ARHGAP10: variants seen among roughly 807,000 people sequenced by gnomAD.
The protein encoded by ARHGAP10 is rho GTPase-activating protein 10.
ARHGAP10 carries 87 observed loss-of-function variants against 108.6 expected under a neutral mutation model. The observed-to-expected ratio is 0.80, with a 90% CI of 0.67 to 0.96. ARHGAP10 has a LOEUF of 0.96. Ranked by LOEUF, ARHGAP10 falls within the 40% of genes least tolerant of loss-of-function variation. The pLI is 0.00. For missense variants in ARHGAP10, 939 were observed against 954.5 expected, an observed-to-expected ratio of 0.98 and a Z score of 0.21; for synonymous variants, 347 against 341.1, an observed-to-expected ratio of 1.02 and a Z score of -0.19.
rs113066898 is a variant in ARHGAP10, at chr4:147,959,981, G to A, written c.1450+4607G>A. Among the ~76,000 whole-genome samples the A allele has an allele frequency of 3.1e-3, 473 of 152,168 alleles. 4 individuals carry two copies. The highest frequency in any genetic ancestry group is 0.01 in the African/African-American group (420 of 41,522). On this transcript the variant is annotated intron_variant, in intron 16 of 22. Transcript: ENST00000336498. ...GTTTTCCAGACTTTTTAATTTTTGC[G>A]ATATAAAATTCTTATCCTCAGTAGT... is the stretch of plus-strand genomic sequence containing the variant.
At chr4:147,883,659 T>G (rs1165789890) in intron 10 of ARHGAP10, among the ~76,000 whole-genome samples, 2 of 152,160 alleles carry the variant, frequency 1.3e-5, no homozygotes, top group African/African-American at 4.8e-5. Flanking sequence ...AGCCCCTGCA[T>G]TCTCCTCCTA....
At chr4:147,821,463 T>C (rs912974894) in intron 1 of ARHGAP10, among the ~76,000 whole-genome samples, 2 of 152,166 alleles carry the variant, frequency 1.3e-5, no homozygotes, top group Admixed American at 1.3e-4. Flanking sequence ...GATCCAAAAG[T>C]TTTACAGTTT....
chr4:147,948,702 A>G (rs1738479600), intron 15 of ARHGAP10, among the ~76,000 whole-genome samples: 1 of 152,022 alleles, frequency 6.6e-6, no homozygotes, highest in African/African-American at 2.4e-5. Context: ...CACGCCTGTA[A>G]TCTCAGCACT....
chr4:147,920,553 C>G (rs1208675269), intron 13 of ARHGAP10, among the ~76,000 whole-genome samples: 1 of 152,152 alleles, frequency 6.6e-6, no homozygotes, highest in Non-Finnish European at 1.5e-5. Context: ...TAATCAGAAG[C>G]CAGTCAGTTA....
At chr4:147,821,950 C>T (rs1435590061) in intron 1 of ARHGAP10, among the ~76,000 whole-genome samples, 2 of 152,236 alleles carry the variant, frequency 1.3e-5, no homozygotes, top group Non-Finnish European at 2.9e-5. Context: ...AATTACTCAA[C>T]ATCTTTGAGG....
At chr4:148,007,212 A>G (rs1268737750) in intron 18 of ARHGAP10, among the ~76,000 whole-genome samples, 7 of 152,222 alleles carry the variant, frequency 4.6e-5, no homozygotes, top group Non-Finnish European at 1.0e-4. Context: ...TGTACTTACT[A>G]TCTGACACGC....
intron 19 of ARHGAP10, among the ~76,000 whole-genome samples, chr4:148,043,064 A>T (rs577380221): frequency 6.6e-6 from 1 of 152,314 alleles, no homozygotes; most frequent in African/African-American, 2.4e-5. Flanking sequence ...GACAAAATGT[A>T]CAAGGGAAAT....
chr4:147,828,668 CTG>C (rs1732819634), intron 3 of ARHGAP10, among the ~76,000 whole-genome samples: 3 of 152,286 alleles, frequency 2.0e-5, no homozygotes, highest in African/African-American at 7.2e-5. Flanking sequence ...TGAGGGGAAA[CTG>C]TTGAAATTTC....
chr4:147,934,949 G>A (rs779123781), intron 13 of ARHGAP10, among the ~76,000 whole-genome samples: 1 of 152,184 alleles, frequency 6.6e-6, no homozygotes, highest in African/African-American at 2.4e-5. Flanking sequence ...ATTTTTATCC[G>A]GTTTTGAAGG....
intron 16 of ARHGAP10, among the ~76,000 whole-genome samples, chr4:147,957,665 GTGA>G (rs955198492): frequency 1.3e-5 from 2 of 152,094 alleles, no homozygotes; most frequent in Non-Finnish European, 2.9e-5. Context: ...CTGTTCTGTG[GTGA>G]TGAGATAGTT....
At chr4:147,852,413 T>G (rs896312809) in intron 4 of ARHGAP10, among the ~76,000 whole-genome samples, 2 of 152,140 alleles carry the variant, frequency 1.3e-5, no homozygotes, top group African/African-American at 2.4e-5. Flanking sequence ...GAGGATGAAG[T>G]TGAATTCTCA....
At chr4:148,030,846 T>C (rs1302227167) in intron 19 of ARHGAP10, among the ~76,000 whole-genome samples, 2 of 151,422 alleles carry the variant, frequency 1.3e-5, no homozygotes, top group African/African-American at 4.9e-5. Flanking sequence ...CAGTACAGGG[T>C]CACCTTTAGA....
intron 1 of ARHGAP10, among the ~76,000 whole-genome samples, chr4:147,774,883 G>A (rs2126722559): frequency 6.6e-6 from 1 of 151,674 alleles, no homozygotes; most frequent in African/African-American, 2.4e-5. Flanking sequence ...CTGATCCTTT[G>A]CCACAGCCCT....
chr4:148,051,688 C>T (rs1729146499), intron 20 of ARHGAP10, among the ~76,000 whole-genome samples: 1 of 152,160 alleles, frequency 6.6e-6, no homozygotes, highest in African/African-American at 2.4e-5. Flanking sequence ...CTTTGTTTAT[C>T]CTGAATGTTG....
intron 1 of ARHGAP10, among the ~76,000 whole-genome samples, chr4:147,787,774 C>G (rs1476861797): frequency 6.6e-6 from 1 of 152,072 alleles, no homozygotes; most frequent in African/African-American, 2.4e-5. Flanking sequence ...GCCTTGTGTG[C>G]ACAGCCTATG....
intron 14 of ARHGAP10, among the ~76,000 whole-genome samples, chr4:147,940,600 G>T (rs1294963904): frequency 6.6e-6 from 1 of 152,070 alleles, no homozygotes; most frequent in Non-Finnish European, 1.5e-5. Flanking sequence ...CAGGCTAGAG[G>T]GCCTGTGTAT....
intron 1 of ARHGAP10, among the ~76,000 whole-genome samples, chr4:147,746,717 T>C (rs747461774): frequency 7.9e-5 from 12 of 152,118 alleles, no homozygotes; most frequent in Non-Finnish European, 1.5e-4. Flanking sequence ...GAAGGTGGGA[T>C]TCATATTCTA....
chr4:147,799,379 A>G (rs760792527), intron 1 of ARHGAP10, among the ~76,000 whole-genome samples: 9 of 152,060 alleles, frequency 5.9e-5, no homozygotes, highest in Admixed American at 5.2e-4. Flanking sequence ...TCTTTTACCA[A>G]ATTTGGAATG....
At chr4:147,935,564 C>T (rs1737893575) in intron 13 of ARHGAP10, among the ~76,000 whole-genome samples, 1 of 152,100 alleles carries the variant, frequency 6.6e-6, no homozygotes, top group Non-Finnish European at 1.5e-5. Flanking sequence ...ATAGTGATCC[C>T]TTTGGTTGAC....
Sources: gnomAD v4.1 joint callset for allele counts (sites outside exome capture counted in the v4.1 genomes callset) on GRCh38, gnomAD v4.1.1 for gene constraint, MANE v1.5 for transcripts, NCBI Gene and HGNC (gene_info 2026-07-23, HGNC 2026-07-21) for gene names.